The following FAM186A variants were observed in gnomAD, a reference collection of about 807,000 sequenced individuals.
FAM186A encodes family with sequence similarity 186 member A.
A neutral mutation model predicts 216.8 loss-of-function variants in FAM186A; 163 were observed. The observed-to-expected ratio is 0.75, with a 90% CI of 0.66 to 0.86. FAM186A has a LOEUF of 0.86. FAM186A is among the 40% of genes least tolerant of loss of function. The probability of loss-of-function intolerance (pLI) is 0.00; values close to 1 mark genes in which losing one functional copy is unlikely to be tolerated. For missense variants in FAM186A, 2,184 were observed against 2,746.2 expected (o/e 0.80, Z 4.58); for synonymous variants, 805 against 1,025.3 (o/e 0.79, Z 4.10).
chr12:50,370,123 C>CAA (rs56403101), intron 1 of FAM186A, among the ~76,000 whole-genome samples: 1,425 of 37,920 alleles, frequency 0.038, 143 homozygotes, highest in African/African-American at 0.12. Context: ...GACTCCATCT[C>CAA]AAAAAAAAAA....
intron 1 of FAM186A, among the ~76,000 whole-genome samples, chr12:50,376,776 T>A (rs1193094557): frequency 6.6e-6 from 1 of 151,582 alleles, no homozygotes; most frequent in Non-Finnish European, 1.5e-5. Context: ...GGTCTTATTC[T>A]GTTGCCCAGG....
In FAM186A at chr12:50,390,585, C is replaced by A. The variant is rs12313332; in HGVS notation, c.192+5708G>T. 3.3e-3 allele frequency among the ~76,000 whole-genome samples: 498 copies of A among 152,250 alleles called. 5 individuals are homozygous for A. The highest frequency in any genetic ancestry group is 1.0e-2 in the African/African-American group (415 of 41,548). On this transcript the variant is annotated intron_variant, in intron 1 of 7. Transcript: ENST00000327337. ...TCAGACTATTTTGATTGCTGCTTTC[C>A]TGCTGCTGTCCATTACAGTAATCAT...
intron 7 of FAM186A, among the ~76,000 whole-genome samples, chr12:50,329,599 CT>C (rs879714835): frequency 2.4e-3 from 332 of 140,140 alleles, no homozygotes; most frequent in African/African-American, 2.8e-3. Context: ...ATTAACACTA[CT>C]TTTTTTTTTT....
intron 7 of FAM186A, 56 bp downstream of exon 7, chr12:50,330,517 C>T (rs1040839549): frequency 1.3e-6 from 2 of 1,512,866 alleles, no homozygotes; most frequent in Non-Finnish European, 1.8e-6. Context: ...GTTAGGGAAC[C>T]AAAAGGTATA....
chr12:50,377,636 C>A (rs970533861), intron 1 of FAM186A, among the ~76,000 whole-genome samples: 3 of 151,726 alleles, frequency 2.0e-5, no homozygotes, highest in African/African-American at 7.3e-5. Flanking sequence ...AGTTGGAGAC[C>A]AGCCTAGCCA....
At chr12:50,369,307 G>C (rs1279723874) in intron 1 of FAM186A, among the ~76,000 whole-genome samples, 1 of 151,726 alleles carries the variant, frequency 6.6e-6, no homozygotes, top group Non-Finnish European at 1.5e-5. Context: ...GGCTAACATG[G>C]TGAAACCCCG....
At position 50,351,824 on chromosome 12, in the gene FAM186A, C is replaced by T. The variant is rs368861393; in HGVS notation, c.5008G>A (p.Ala1670Thr). Reference protein sequence around the residue: ...AVTLTSEQTHALESPMNLEQA... With the variant: ...AVTLTSEQTHTLESPMNLEQA... ...TCTAAGTTCATAGGGGACTCCAAAG[C>T]GTGGGTTTGCTCAGAGGTAAGAGTG... Residue 1670 changes from alanine (A) to threonine (T), a missense_variant, in exon 4 of 8, where the codon GCT becomes ACT. By Grantham distance (58) the Ala-to-Thr change is moderately conservative. Coordinates refer to ENST00000327337, the MANE Select transcript of FAM186A (RefSeq NM_001145475.3). The T allele has an allele frequency of 5.8e-5, 90 of 1,544,956 alleles. No individual in the cohort carries two copies. Among genetic ancestry groups the T allele is most frequent in the Non-Finnish European group, 7.9e-5 (90 of 1,143,600 alleles).
At chr12:50,383,278 A>AAAAAAAAAAAAAAAAAAAAAAGAG (rs1555218962) in intron 1 of FAM186A, among the ~76,000 whole-genome samples, 1 of 49,170 alleles carries the variant, frequency 2.0e-5, no homozygotes, top group Non-Finnish European at 4.4e-5. Flanking sequence ...AAAAAAAAAA[A>AAAAAAAAAAAAAAAAAAAAAAGAG]AGAGAGAGAG....
chr12:50,344,045 C>T (rs1024468887), intron 4 of FAM186A, among the ~76,000 whole-genome samples: 2 of 151,430 alleles, frequency 1.3e-5, no homozygotes, highest in South Asian at 4.2e-4. Context: ...GCCACCACAC[C>T]CAGCCAGTCT....
chr12:50,367,601 A>G (rs976929002), intron 1 of FAM186A, among the ~76,000 whole-genome samples: 1 of 152,038 alleles, frequency 6.6e-6, no homozygotes, highest in African/African-American at 2.4e-5. Flanking sequence ...CATAGATAAC[A>G]TGATCTTAAA....
At chr12:50,349,555 C>G (rs1348044302) in intron 4 of FAM186A, among the ~76,000 whole-genome samples, 5 of 152,106 alleles carry the variant, frequency 3.3e-5, no homozygotes, top group African/African-American at 1.2e-4. Flanking sequence ...TAAGTGAGAG[C>G]ATGTGAAGTT....
rs1427133620 is a variant in FAM186A at position 50,353,270 on chromosome 12, C to A, written c.3562G>T (p.Ala1188Ser). The A allele has an allele frequency of 1.3e-6, 2 of 1,543,208 alleles. No individual in the cohort carries two copies. The highest frequency in any genetic ancestry group is 1.2e-5 in the South Asian group (1 of 83,708). Residue 1188 changes from alanine to serine, a missense_variant, in exon 4 of 8, where the codon GCT becomes TCT. Physicochemically the swap from Ala to Ser is moderately conservative, Grantham distance 99. This residue lies in a region of FAM186A where 267 missense variants were observed against 446.2 expected (regional missense o/e 0.60). Transcript: ENST00000327337. The part of the protein sequence containing the change: ...ALGIPLTPQQ[A>S]QELGIPLTPQ... ...GTGAGAGGGATCCCCAATTCCTGAG[C>A]CTGCTGAGGGGTGAGAGGGATCCCC... is the stretch of plus-strand genomic sequence containing the variant.
intron 1 of FAM186A, chr12:50,365,694 C>A: frequency 1.4e-6 from 1 of 737,184 alleles, no homozygotes; most frequent in South Asian, 1.4e-5. Flanking sequence ...AAGCAAGAAT[C>A]ACAAAAGGCA....
chr12:50,333,258 G>A (rs556629948), intron 5 of FAM186A, among the ~76,000 whole-genome samples: 2 of 152,004 alleles, frequency 1.3e-5, no homozygotes, highest in Non-Finnish European at 2.9e-5. Context: ...CAGGCCAGGC[G>A]TGGTGGCTCA....
At chr12:50,359,960 G>T (rs1018916311) in intron 3 of FAM186A, among the ~76,000 whole-genome samples, 2 of 152,134 alleles carry the variant, frequency 1.3e-5, no homozygotes, top group Non-Finnish European at 2.9e-5. Context: ...TTAGATTGTT[G>T]GCCGGGTGCT....
chr12:50,394,082 C>G (rs1592640657), intron 1 of FAM186A, among the ~76,000 whole-genome samples: 1 of 151,998 alleles, frequency 6.6e-6, no homozygotes, highest in South Asian at 2.1e-4. Flanking sequence ...CCACACCCGG[C>G]TAATTTTTTG....
At chr12:50,363,009 A>T (rs556706644) in intron 2 of FAM186A, 136 bp downstream of exon 2, 193 of 727,292 alleles carry the variant, frequency 2.7e-4, no homozygotes, top group Non-Finnish European at 3.8e-4. Flanking sequence ...ACTGGAATAG[A>T]GGATAACCAT....
intron 1 of FAM186A, among the ~76,000 whole-genome samples, chr12:50,383,207 A>G (rs1437906526): frequency 1.5e-5 from 2 of 137,278 alleles, no homozygotes; most frequent in Non-Finnish European, 3.1e-5. Flanking sequence ...CTGAGATTGC[A>G]GCCACTGCAC....
chr12:50,357,384 C>T (rs770752540), intron 3 of FAM186A, among the ~76,000 whole-genome samples: 21 of 151,988 alleles, frequency 1.4e-4, no homozygotes, highest in Middle Eastern at 3.4e-3. Flanking sequence ...TGCCTGTAGT[C>T]CCAACTACTT....
Sources: gnomAD v4.1 joint callset for allele counts (sites outside exome capture counted in the v4.1 genomes callset) on GRCh38, gnomAD v4.1.1 for gene constraint, gnomAD v4.1.1 regional missense constraint, MANE v1.5 for transcripts, NCBI Gene and HGNC (gene_info 2026-07-23, HGNC 2026-07-21) for gene names.